The following THADA variants were observed in gnomAD, a reference collection of about 807,000 sequenced individuals.
THADA encodes THADA armadillo repeat containing, also known as tRNA (32-2'-O)-methyltransferase regulator THADA.
THADA carries 213 observed loss-of-function variants against 219.8 expected under a neutral mutation model. The ratio of observed to expected loss-of-function variants is 0.97; its 90% CI spans 0.87 to 1.09. THADA has a LOEUF of 1.09. Among genes scored for constraint, THADA ranks in the 50% least tolerant of loss-of-function variants. The pLI is 0.00. For missense variants in THADA, 2,956 were observed against 2,311.3 expected (o/e 1.28, Z -5.72); for synonymous variants, 1,018 against 828.9 (o/e 1.23, Z -3.92).
At chr2:43,276,028 G>A (rs184712174) in intron 36 of THADA, among the ~76,000 whole-genome samples, 7 of 152,322 alleles carry the variant, frequency 4.6e-5, no homozygotes, top group Admixed American at 4.6e-4. Flanking sequence ...TCCTGCTCTT[G>A]TAGCATTAGA....
chr2:43,589,643 AG>A (rs930050089), intron 4 of THADA, among the ~76,000 whole-genome samples: 7 of 152,206 alleles, frequency 4.6e-5, no homozygotes, highest in African/African-American at 1.7e-4. Context: ...GAGGATGCAA[AG>A]GCATAAGAAT....
chr2:43,507,523 G>C (rs1182682656), intron 23 of THADA, among the ~76,000 whole-genome samples: 1 of 152,054 alleles, frequency 6.6e-6, no homozygotes, highest in Non-Finnish European at 1.5e-5. Flanking sequence ...GATTTCTGAA[G>C]GTCACCAAAA....
At chr2:43,503,830 A>G (rs1452934524) in intron 24 of THADA, among the ~76,000 whole-genome samples, 57 of 152,204 alleles carry the variant, frequency 3.7e-4, no homozygotes. Context: ...ACCTTGAAGT[A>G]GAGTAGGGCA....
intron 26 of THADA, among the ~76,000 whole-genome samples, chr2:43,467,686 A>C (rs1463055153): frequency 6.6e-6 from 1 of 152,232 alleles, no homozygotes; most frequent in Admixed American, 6.5e-5. Flanking sequence ...TTTGAGGCTC[A>C]CAGTATAAAC....
intron 29 of THADA, among the ~76,000 whole-genome samples, chr2:43,355,261 A>C (rs1464048453): frequency 6.6e-6 from 1 of 152,100 alleles, no homozygotes; most frequent in Non-Finnish European, 1.5e-5. Flanking sequence ...TAGTAGTGGG[A>C]TTGCTGGATC....
At chr2:43,284,155 G>A (rs1430551798) in intron 35 of THADA, among the ~76,000 whole-genome samples, 11 of 152,118 alleles carry the variant, frequency 7.2e-5, no homozygotes, top group African/African-American at 2.4e-4. Flanking sequence ...CTGCAGCCTG[G>A]AAAACAAGAG....
intron 30 of THADA, among the ~76,000 whole-genome samples, chr2:43,337,195 G>T (rs930846246): frequency 6.6e-6 from 1 of 152,214 alleles, no homozygotes; most frequent in African/African-American, 2.4e-5. Flanking sequence ...CCCCAGGGAG[G>T]GTCCAGGGGA....
At chr2:43,427,503 TTGTGTGTGTGTGTG>T (rs70963397) in intron 28 of THADA, among the ~76,000 whole-genome samples, 2 of 140,600 alleles carry the variant, frequency 1.4e-5, no homozygotes, top group Non-Finnish European at 3.1e-5. Flanking sequence ...CTCCCAAAGT[TTGTGTGTGTGTGTG>T]TGTGTGTGTG....
chr2:43,347,242 A>G lies in THADA; in HGVS notation c.4228-3005T>C, dbSNP rs146148139. The stretch of plus-strand genomic sequence containing the variant: ...TGTTTCTCCATGGTAAATGGCGTAT[A>G]ATAATATCTAACTTGTAGGACTGTA... On this transcript the variant is annotated intron_variant, in intron 29 of 37. Coordinates refer to ENST00000405975, the MANE Select transcript of THADA (RefSeq NM_022065.5). Among the ~76,000 whole-genome samples the G allele has an allele frequency of 5.4e-3, 824 of 152,312 alleles. 6 individuals are homozygous for G. Among genetic ancestry groups the G allele is most frequent in the African/African-American group, 0.018 (767 of 41,572 alleles).
intron 29 of THADA, among the ~76,000 whole-genome samples, chr2:43,358,079 T>C (rs1054532467): frequency 6.6e-6 from 1 of 152,074 alleles, no homozygotes; most frequent in Non-Finnish European, 1.5e-5. Context: ...CTGATTCAGC[T>C]GTCACCATTT....
In THADA at chr2:43,595,948, C is replaced by G. The variant is rs948831092; in HGVS notation, c.-42G>C. On this transcript the variant is annotated 5_prime_UTR_variant, in exon 1 of 38. Coordinates refer to ENST00000405975, the MANE Select transcript of THADA (RefSeq NM_022065.5). The stretch of plus-strand genomic sequence containing the variant: ...AGCCAAACCTCGTGCACGTCGGCGT[C>G]TGAGAAGAGTCGCAGGCGCCTGGTC... 2 of 152,330 alleles carry G rather than the reference C, an allele frequency of 1.3e-5. No individual in the cohort carries two copies. The highest frequency in any genetic ancestry group is 6.5e-5 in the Admixed American group (1 of 15,284). The allele number at this position is 152,330 out of a possible 1,614,324, so 9.4% of individuals were successfully genotyped here.
chr2:43,556,077 G>C lies in THADA; in HGVS notation c.2674+268C>G, dbSNP rs1418628400. 4.1e-6 allele frequency: 3 copies of C among 734,308 alleles called. No individual in the cohort carries two copies. In the African/African-American group the frequency reaches 5.8e-5, roughly 14 times the overall value. 45.5% of individuals were successfully genotyped at this position (734,308 alleles called of 1,614,324 possible). A position where few individuals can be genotyped will look rare whatever the true frequency, so the allele number is the denominator to read the frequency against. On this transcript the variant is annotated intron_variant, in intron 17 of 37. Coordinates refer to ENST00000405975, the MANE Select transcript of THADA (RefSeq NM_022065.5). ...ATGTAGGGAAAAAAGCACACTTTTG[G>C]TGGAGAAAGAGGTCATTCTCATTTC...
At chr2:43,563,556 C>A (rs1443613816) in intron 15 of THADA, 1 of 152,128 alleles carries the variant, frequency 6.6e-6, no homozygotes, top group African/African-American at 2.4e-5. Context: ...ACATAAGCTC[C>A]AAAGGAAGAA....
intron 29 of THADA, among the ~76,000 whole-genome samples, chr2:43,348,033 C>A (rs1278995911): frequency 6.6e-6 from 1 of 152,084 alleles, no homozygotes; most frequent in Non-Finnish European, 1.5e-5. Context: ...GTAGTCTAGA[C>A]AAGAGGAGGG....
chr2:43,472,148 T>C (rs888056470), intron 26 of THADA, among the ~76,000 whole-genome samples: 3 of 152,226 alleles, frequency 2.0e-5, no homozygotes, highest in Non-Finnish European at 4.4e-5. Context: ...GTCATGGAAT[T>C]TGATCTTCAT....
intron 28 of THADA, among the ~76,000 whole-genome samples, chr2:43,415,913 G>C (rs1017114467): frequency 2.6e-5 from 4 of 152,090 alleles, no homozygotes; most frequent in African/African-American, 9.7e-5. Flanking sequence ...CTTAAGTCCA[G>C]TTTTCATTCT....
intron 26 of THADA, among the ~76,000 whole-genome samples, chr2:43,480,805 G>C (rs1197688949): frequency 6.7e-6 from 1 of 149,240 alleles, no homozygotes. Context: ...GCAACAGTGC[G>C]AGACTCTGTC....
intron 31 of THADA, among the ~76,000 whole-genome samples, chr2:43,313,968 A>G (rs1364260189): frequency 2.6e-5 from 4 of 152,258 alleles, no homozygotes; most frequent in African/African-American, 9.6e-5. Flanking sequence ...ATGAAGGAAC[A>G]TTAGTACTTT....
intron 26 of THADA, among the ~76,000 whole-genome samples, chr2:43,433,961 T>G (rs1679730914): frequency 6.6e-6 from 1 of 152,200 alleles, no homozygotes; most frequent in South Asian, 2.1e-4. Context: ...AGTGCTGGGA[T>G]TACAGGCATG....
Sources: allele counts gnomAD v4.1 joint callset (sites outside exome capture counted in the v4.1 genomes callset), GRCh38; gene constraint gnomAD v4.1.1; transcripts MANE v1.5; gene names NCBI Gene and HGNC (gene_info 2026-07-23, HGNC 2026-07-21).